Variants in TRPM7 observed in about 807,000 individuals in gnomAD.
The protein encoded by TRPM7 is transient receptor potential cation channel subfamily M member 7.
A neutral mutation model predicts 229.7 loss-of-function variants in TRPM7; 134 were observed. The observed-to-expected ratio is 0.58, with a 90% CI of 0.51 to 0.67. The LOEUF (loss-of-function observed/expected upper bound fraction) is 0.67, where lower values mean the gene tolerates loss of function less well. Among genes scored for constraint, TRPM7 ranks in the 30% least tolerant of loss-of-function variants. TRPM7 has a pLI of 0.00. For missense variants in TRPM7, 1,901 were observed against 2,210.0 expected (o/e 0.86, Z 2.80); for synonymous variants, 699 against 715.2 (o/e 0.98, Z 0.36).
At chr15:50,625,495 A>G (rs2060530832) in intron 11 of TRPM7, among the ~76,000 whole-genome samples, 1 of 152,086 alleles carries the variant, frequency 6.6e-6, no homozygotes, top group South Asian at 2.1e-4. Context: ...TGCAGCCTCA[A>G]ACTCAGGGGT....
At chr15:50,673,022 T>C (rs992648039) in intron 1 of TRPM7, among the ~76,000 whole-genome samples, 2 of 150,494 alleles carry the variant, frequency 1.3e-5, no homozygotes, top group Non-Finnish European at 2.9e-5. Context: ...TTTTAAAATG[T>C]TTACAAATCT....
At chr15:50,660,346 T>C (rs1467841688) in intron 2 of TRPM7, among the ~76,000 whole-genome samples, 2 of 152,098 alleles carry the variant, frequency 1.3e-5, no homozygotes, top group African/African-American at 4.8e-5. Context: ...ATTTAAAATA[T>C]ATACTATTAT....
At chr15:50,613,684 G>T (rs1243055794) in intron 15 of TRPM7, 23 bp downstream of exon 15, 1 of 1,493,156 alleles carries the variant, frequency 6.7e-7, no homozygotes, top group Non-Finnish European at 8.9e-7. Context: ...AACCCAGAAA[G>T]AATAATATTT....
chr15:50,666,824 G>C (rs1184746935), intron 1 of TRPM7, among the ~76,000 whole-genome samples: 1 of 152,106 alleles, frequency 6.6e-6, no homozygotes, highest in East Asian at 1.9e-4. Flanking sequence ...AGAGGCGGTG[G>C]AGGTGGCAGC....
Position 50,596,267 on chromosome 15 carries a change from A to G in TRPM7, c.3278T>C (p.Ile1093Thr), listed in dbSNP as rs2059630535. 2 of 1,519,236 alleles carry G rather than the reference A, an allele frequency of 1.3e-6. No individual in the cohort carries two copies. The highest frequency in any genetic ancestry group is 8.8e-7 in the Non-Finnish European group (1 of 1,131,836). The allele number at this position is 1,519,236 out of a possible 1,614,324, so 94.1% of individuals were successfully genotyped here. A position where few individuals can be genotyped will look rare whatever the true frequency, so the allele number is the denominator to read the frequency against. Residue 1093 changes from isoleucine to threonine, a missense_variant, in exon 23 of 39, where the codon ATT becomes ACT. Ile to Thr is a moderately conservative substitution (Grantham distance 89). This residue lies in a region of TRPM7 where 89 missense variants were observed against 178.2 expected (regional missense o/e 0.50). Transcript: ENST00000646667. Reference protein sequence around the residue: ...VQYIIMVNLLIAFFNNVYLQV... With the variant: ...VQYIIMVNLLTAFFNNVYLQV... Reference sequence around the variant, plus strand: ...ACAAAATTCTTACTTGAAAAATGCAATAAGAAGATTAACCATAATGATATA... The same window carrying G: ...ACAAAATTCTTACTTGAAAAATGCAGTAAGAAGATTAACCATAATGATATA...
Position 50,574,469 on chromosome 15 carries a change from C to T in TRPM7, c.5113G>A (p.Val1705Ile). ...GCTGAATGGCAATACAGCAGGAAAACTTCAAGGAACCTTATAAAAAATAGT... is the reference window on the plus strand; with the variant it reads ...GCTGAATGGCAATACAGCAGGAAAATTTCAAGGAACCTTATAAAAAATAGT... ...SIPYSPRFLE[V>I]FLLYCHSAGQ... is the part of the protein sequence containing the mutation. Residue 1705 changes from valine to isoleucine, a missense_variant, in exon 36 of 39, where the codon GTT becomes ATT. This residue lies in a region of TRPM7 where 257 missense variants were observed against 352.0 expected (regional missense o/e 0.73). Transcript: ENST00000646667. The T allele has an allele frequency of 6.2e-7, 1 of 1,610,176 alleles. No homozygotes were observed. Among genetic ancestry groups the T allele is most frequent in the South Asian group, 1.1e-5 (1 of 89,966 alleles).
At chr15:50,677,322 C>T (rs925943707) in intron 1 of TRPM7, among the ~76,000 whole-genome samples, 8 of 152,064 alleles carry the variant, frequency 5.3e-5, no homozygotes, top group African/African-American at 1.9e-4. Context: ...CCAAAGTTCT[C>T]ATCTCCAAAT....
intron 5 of TRPM7, among the ~76,000 whole-genome samples, chr15:50,641,719 G>A (rs955166430): frequency 1.3e-5 from 2 of 152,158 alleles, no homozygotes; most frequent in Admixed American, 1.3e-4. Flanking sequence ...ATAGCTGCTG[G>A]CCAGGTGCAG....
chr15:50,638,228 G>A (rs1483284638), intron 6 of TRPM7, among the ~76,000 whole-genome samples: 7 of 150,694 alleles, frequency 4.6e-5, no homozygotes, highest in Non-Finnish European at 8.9e-5. Context: ...GCGTGGTAGC[G>A]GGCGCCTGTA....
At chr15:50,603,899 C>T (rs1193018520) in intron 21 of TRPM7, 3 of 151,566 alleles carry the variant, frequency 2.0e-5, no homozygotes, top group Non-Finnish European at 2.9e-5. Context: ...TACAAGAAGT[C>T]TGAAACAAAC....
chr15:50,637,400 AC>A, intron 7 of TRPM7, 21 bp downstream of exon 7: 1 of 1,604,698 alleles, frequency 6.2e-7, no homozygotes, highest in Non-Finnish European at 8.5e-7. Context: ...TTCAACAATA[AC>A]AAATTTGTGA....
intron 4 of TRPM7, among the ~76,000 whole-genome samples, chr15:50,646,190 C>G (rs2061259679): frequency 6.6e-6 from 1 of 151,500 alleles, no homozygotes; most frequent in African/African-American, 2.4e-5. Flanking sequence ...AAAAGAAAAA[C>G]TTGGAGAGAT....
chr15:50,577,079 T>C lies in TRPM7; in HGVS notation c.4619-1160A>G, dbSNP rs28460301. 8.1e-3 allele frequency among the ~76,000 whole-genome samples: 1,202 copies of C among 149,242 alleles called. 18 individuals are homozygous for C. The highest frequency in any genetic ancestry group is 0.029 in the African/African-American group (1,151 of 40,240). ...GTGAGCAAAGTCTGTGCCACTGCAC[T>C]CCAACCTGGTGACAGAGAGATCCTG... On this transcript the variant is annotated intron_variant, in intron 31 of 38. Transcript: ENST00000646667.
chr15:50,651,982 A>G (rs2061432888), intron 3 of TRPM7, among the ~76,000 whole-genome samples: 1 of 152,060 alleles, frequency 6.6e-6, no homozygotes, highest in African/African-American at 2.4e-5. Context: ...TCTACCTTAA[A>G]AACTAAAAAT....
intron 19 of TRPM7, among the ~76,000 whole-genome samples, chr15:50,608,732 T>A (rs2059986442): frequency 6.6e-6 from 1 of 152,202 alleles, no homozygotes; most frequent in South Asian, 2.1e-4. Flanking sequence ...TTCTTGTTGA[T>A]GAAAATGAAA....
chr15:50,570,307 T>G (rs1165260021), intron 36 of TRPM7, 152 bp from the exon 37 acceptor site: 2 of 594,702 alleles, frequency 3.4e-6, no homozygotes, highest in Non-Finnish European at 5.6e-6. Context: ...GTTCTTCTCT[T>G]TTGATATTTC....
rs57866064 is a variant in TRPM7 at position 50,588,440 on chromosome 15, T to C, written c.4389+1152A>G. ...GTACAATACTTTAATCAAAATATGA[T>C]AATAAAAATACAAAATGTTACAATA... On this transcript the variant is annotated intron_variant, in intron 27 of 38. Transcript: ENST00000646667. Among the ~76,000 whole-genome samples, 229 of 152,306 alleles carry C rather than the reference T, an allele frequency of 1.5e-3. 2 individuals are homozygous for C. Among genetic ancestry groups the C allele is most frequent in the African/African-American group, 5.1e-3 (214 of 41,564 alleles).
Position 50,599,147 on chromosome 15 carries a change from AC to A in TRPM7, c.3137del (p.Gly1046ValfsTer27), listed in dbSNP as rs1475936561. 6.2e-7 allele frequency: 1 copy of A among 1,610,116 alleles called. No homozygotes were observed. Among genetic ancestry groups the A allele is most frequent in the Non-Finnish European group, 8.5e-7 (1 of 1,178,652 alleles). On this transcript the variant is annotated frameshift_variant, in exon 22 of 39. Transcript: ENST00000646667. LOFTEE classifies it high-confidence loss of function. ...CATCAATTTCGTATGCATAAACTTCACCAAAAATCATCCAGTATGGGTGAAA... is the reference window on the plus strand; with the variant it reads ...CATCAATTTCGTATGCATAAACTTCACAAAAATCATCCAGTATGGGTGAAA... ...IVFHPYWMIFGEVYAYEIDVC... is the reference protein window; with the variant it reads ...IVFHPYWMIFXEVYAYEIDVC...
intron 22 of TRPM7, 55 bp downstream of exon 22, chr15:50,599,067 T>G: frequency 7.6e-7 from 1 of 1,322,108 alleles, no homozygotes; most frequent in South Asian, 1.5e-5. Context: ...AATTCAATAT[T>G]GGTTTTAAAA....
Sources: gnomAD v4.1 joint callset for allele counts (sites outside exome capture counted in the v4.1 genomes callset) on GRCh38, gnomAD v4.1.1 for gene constraint, gnomAD v4.1.1 regional missense constraint, MANE v1.5 for transcripts, NCBI Gene and HGNC (gene_info 2026-07-23, HGNC 2026-07-21) for gene names.